COL10A1: variants seen among roughly 807,000 people sequenced by gnomAD.
COL10A1 encodes the protein collagen alpha-1(X) chain.
A neutral mutation model predicts 18.2 loss-of-function variants in COL10A1; 10 were observed. The observed-to-expected ratio is 0.55, with a 90% CI of 0.34 to 0.93. The LOEUF is 0.93. Ranked by LOEUF, COL10A1 falls within the 40% of genes least tolerant of loss-of-function variation. COL10A1 has a pLI of 0.02. For missense variants in COL10A1, 897 were observed against 853.5 expected (o/e 1.05, Z -0.64); for synonymous variants, 330 against 316.6 (o/e 1.04, Z -0.45).
rs561913629 is a variant in COL10A1 at position 116,120,882 on chromosome 6, G to T, written c.1234C>A (p.Pro412Thr). 55 of 1,613,870 alleles carry T rather than the reference G, an allele frequency of 3.4e-5. No individual in the cohort carries two copies. In the South Asian group the frequency reaches 5.8e-4, roughly 17 times the overall value. The part of the protein sequence containing the change: ...NPGLPGPKGD[P>T]GVGGPPGLPG... ...AGACCAGGAGGTCCTCCAACTCCAG[G>T]ATCACCTTTTGGACCTGGTAACCCT... Residue 412 changes from proline to threonine, a missense_variant, in exon 3 of 3, where the codon CCT (proline) becomes ACT (threonine). Physicochemically the swap from Pro to Thr is conservative, Grantham distance 38. Transcript: ENST00000651968.
chr6:116,139,321 A>G (rs1314369541), intron 1 of COL10A1, among the ~76,000 whole-genome samples: 1 of 152,160 alleles, frequency 6.6e-6, no homozygotes, highest in Non-Finnish European at 1.5e-5. Flanking sequence ...ACAAATGATG[A>G]TTAAACTCTT....
upstream of COL10A1, among the ~76,000 whole-genome samples, chr6:116,128,301 G>T (rs544888402): frequency 3.4e-4 from 51 of 152,206 alleles, no homozygotes; most frequent in Non-Finnish European, 6.6e-4. Context: ...GCACTGTCTT[G>T]TCCAAAACAG....
chr6:116,119,941 A>C lies in COL10A1; in HGVS notation c.*132T>G. The C allele has an allele frequency of 2.3e-6, 2 of 878,804 alleles. No individual in the cohort carries two copies. Among genetic ancestry groups the C allele is most frequent in the South Asian group, 3.0e-5 (2 of 66,818 alleles). 54.4% of individuals were successfully genotyped at this position (878,804 alleles called of 1,614,324 possible). On this transcript the variant is annotated 3_prime_UTR_variant, in exon 3 of 3. Transcript: ENST00000651968. ...TTCAGGGGGAAGGTTTGTTGGTCTG[A>C]TAGCTCAAATCTGTATTTCAGAAAA... is the stretch of plus-strand genomic sequence containing the variant.
intron 1 of COL10A1, among the ~76,000 whole-genome samples, chr6:116,152,834 C>T (rs1780080577): frequency 6.6e-6 from 1 of 152,056 alleles, no homozygotes. Flanking sequence ...TTGCTAAATC[C>T]AGTTATTTAT....
At chr6:116,208,173 G>A in the COL10A1 span, among the ~76,000 whole-genome samples, 3 of 151,928 alleles carry the variant, frequency 2.0e-5, no homozygotes, top group Non-Finnish European at 4.4e-5. Flanking sequence ...GTGCCTCAAA[G>A]CTAGAGAAGT....
intron 1 of COL10A1, among the ~76,000 whole-genome samples, chr6:116,155,394 A>G (rs1454333244): frequency 6.6e-6 from 1 of 152,230 alleles, no homozygotes; most frequent in East Asian, 1.9e-4. Flanking sequence ...CGCCAACACA[A>G]ACATCTCTTT....
At chr6:116,195,511 A>C in the COL10A1 span, among the ~76,000 whole-genome samples, 1 of 152,044 alleles carries the variant, frequency 6.6e-6, no homozygotes, top group Non-Finnish European at 1.5e-5. Context: ...GAATAGTTCA[A>C]TACAGGGATT....
At chr6:116,182,637 T>A in the COL10A1 span, among the ~76,000 whole-genome samples, 3 of 152,132 alleles carry the variant, frequency 2.0e-5, no homozygotes, top group Non-Finnish European at 4.4e-5. Context: ...TGATCGCTAG[T>A]GATGTTGAGC....
intron 1 of COL10A1, among the ~76,000 whole-genome samples, chr6:116,136,160 G>T (rs1779596102): frequency 6.6e-6 from 1 of 151,848 alleles, no homozygotes; most frequent in African/African-American, 2.4e-5. Flanking sequence ...ACTTTTTTAG[G>T]TTACACGTAT....
At chr6:116,178,082 TGTGTGTGCGCGC>T in the COL10A1 span, among the ~76,000 whole-genome samples, 16 of 107,304 alleles carry the variant, frequency 1.5e-4, no homozygotes, top group African/African-American at 4.3e-4. Flanking sequence ...TGTGTGTGTG[TGTGTGTGCGCGC>T]GCGCGCGCGT....
intron 1 of COL10A1, among the ~76,000 whole-genome samples, chr6:116,139,841 C>T (rs1437147005): frequency 6.6e-6 from 1 of 152,028 alleles, no homozygotes; most frequent in East Asian, 1.9e-4. Flanking sequence ...GTCTTTGAGA[C>T]CTAGTACAGC....
the COL10A1 span, among the ~76,000 whole-genome samples, chr6:116,211,953 G>C: frequency 0.68 from 103,336 of 151,876 alleles, 37,162 homozygotes; most frequent in African/African-American, 0.93. Context: ...CATTCACGCA[G>C]TGAGGCCTGT....
upstream of COL10A1, among the ~76,000 whole-genome samples, chr6:116,130,054 G>T (rs959225362): frequency 6.6e-6 from 1 of 152,042 alleles, no homozygotes; most frequent in Non-Finnish European, 1.5e-5. Flanking sequence ...ATTGGTAATT[G>T]CCTACAGTCA....
chr6:116,186,927 G>A, the COL10A1 span, among the ~76,000 whole-genome samples: 2 of 151,966 alleles, frequency 1.3e-5, no homozygotes, highest in African/African-American at 4.8e-5. Flanking sequence ...TTATCTTTTG[G>A]GGGTGTTAAC....
At chr6:116,170,565 C>G in the COL10A1 span, among the ~76,000 whole-genome samples, 1 of 152,092 alleles carries the variant, frequency 6.6e-6, no homozygotes, top group South Asian at 2.1e-4. Context: ...ATCAGTGCAC[C>G]TTAGCTGTTG....
intron 1 of COL10A1, among the ~76,000 whole-genome samples, chr6:116,147,840 T>C (rs1389848234): frequency 1.3e-5 from 2 of 152,170 alleles, no homozygotes; most frequent in Non-Finnish European, 2.9e-5. Flanking sequence ...GCTCAAATAT[T>C]CATTCATAAG....
In COL10A1 at chr6:116,120,029, G is replaced by A. The variant is rs776184559; in HGVS notation, c.*44C>T. The A allele has an allele frequency of 1.2e-5, 19 of 1,525,856 alleles. No homozygotes were observed. In the Admixed American group the frequency reaches 3.0e-4, roughly 24 times the overall value. 94.5% of individuals were successfully genotyped at this position (1,525,856 alleles called of 1,614,324 possible). ...TTTTGTAGGGTGGGGTAGAGTTAGA[G>A]AATGCTTTTTCTAGCACAAGATTTA... On this transcript the variant is annotated 3_prime_UTR_variant, in exon 3 of 3. Transcript: ENST00000651968.
the COL10A1 span, among the ~76,000 whole-genome samples, chr6:116,178,110 C>CGTGT: frequency 7.7e-5 from 9 of 117,558 alleles, no homozygotes; most frequent in East Asian, 4.6e-4. Flanking sequence ...CGCGTGCGTG[C>CGTGT]GTGTGTGTGT....
chr6:116,125,996 T>G (rs1779289674), intron 1 of COL10A1, 57 bp downstream of exon 1: 1 of 154,856 alleles, frequency 6.5e-6, no homozygotes, highest in Non-Finnish European at 1.4e-5. Context: ...ATTTAAATCT[T>G]TAAAGTTTCT....
Sources: gnomAD v4.1 joint callset for allele counts (sites outside exome capture counted in the v4.1 genomes callset) on GRCh38, gnomAD v4.1.1 for gene constraint, MANE v1.5 for transcripts, NCBI Gene and HGNC (gene_info 2026-07-23, HGNC 2026-07-21) for gene names.